TRPM1: variants seen among roughly 807,000 people sequenced by gnomAD.
TRPM1 encodes TRPM1-203 APA Isoform, Intron 10.
A neutral mutation model predicts 149.4 loss-of-function variants in TRPM1; 113 were observed. That is an observed-to-expected ratio of 0.76 (90% CI 0.65 to 0.88). TRPM1 has a LOEUF of 0.88. TRPM1 is among the 40% of genes least tolerant of loss of function. TRPM1 has a pLI of 0.00. For synonymous variants in TRPM1, 741 were observed against 759.5 expected, an observed-to-expected ratio of 0.98 and a Z score of 0.40; for missense variants, 1,976 against 2,038.7, an observed-to-expected ratio of 0.97 and a Z score of 0.59.
Position 31,032,741 on chromosome 15 carries a change from A to T in TRPM1, c.2900T>A (p.Ile967Asn). 6.2e-7 allele frequency: 1 copy of T among 1,614,196 alleles called. No homozygotes were observed. Among genetic ancestry groups the T allele is most frequent in the Non-Finnish European group, 8.5e-7 (1 of 1,180,034 alleles). ...CCCCAGATACTTGTTGACACCAAAG[A>T]TGTCCAGGACACGGATGTACCAGAA... ...IIFWYIRVLDIFGVNKYLGPY... is the reference protein window; with the variant it reads ...IIFWYIRVLDNFGVNKYLGPY... Residue 967 changes from isoleucine (I) to asparagine (N), a missense_variant, in exon 22 of 28, where the codon ATC becomes AAC. Ile to Asn is a moderately radical substitution (Grantham distance 149). Transcript: ENST00000256552.
At chr15:31,080,964 G>A (rs1230139835) in intron 2 of TRPM1, among the ~76,000 whole-genome samples, 1 of 152,122 alleles carries the variant, frequency 6.6e-6, no homozygotes, top group East Asian at 1.9e-4. Context: ...CGGCGGATGA[G>A]GGAGCAACAA....
At chr15:31,138,364 C>G (rs1596096868) in intron 1 of TRPM1, among the ~76,000 whole-genome samples, 1 of 151,996 alleles carries the variant, frequency 6.6e-6, no homozygotes, top group African/African-American at 2.4e-5. Context: ...TGAGTAGACA[C>G]CAGAGCCCCT....
In TRPM1 at chr15:31,136,645, G is replaced by C. The variant is rs557844028; in HGVS notation, c.54+24261C>G. Among the ~76,000 whole-genome samples, 4 of 152,042 alleles carry C rather than the reference G, an allele frequency of 2.6e-5. No individual in the cohort carries two copies. In the South Asian group the frequency reaches 8.3e-4, roughly 32 times the overall value. On this transcript the variant is annotated intron_variant, in intron 1 of 26. Transcript: ENST00000542188. ...TTCCCTCTGTTTTAATCCTTAACCC[G>C]AACGAAGTTCCATCTCCCTGTCCTT...
chr15:31,007,644 GCAGCGCAGCAA>G (rs1566985451), intron 27 of TRPM1, among the ~76,000 whole-genome samples: 2 of 55,260 alleles, frequency 3.6e-5, no homozygotes, highest in African/African-American at 1.1e-4. Flanking sequence ...TATAACAACA[GCAGCGCAGCAA>G]CAACAACAAC....
intron 9 of TRPM1, among the ~76,000 whole-genome samples, chr15:31,062,107 A>G (rs2034249620): frequency 6.6e-6 from 1 of 152,232 alleles, no homozygotes; most frequent in Non-Finnish European, 1.5e-5. Flanking sequence ...CTCAGTCGCC[A>G]TCGGAGATGC....
chr15:31,070,963 T>C (rs181546011), intron 3 of TRPM1, among the ~76,000 whole-genome samples: 77 of 152,368 alleles, frequency 5.1e-4, no homozygotes, highest in Admixed American at 4.4e-3. Context: ...CTTGGACAGA[T>C]GGCCCATTGG....
In TRPM1 at chr15:31,068,034, T is replaced by C. The variant is rs1193858049; in HGVS notation, c.338A>G (p.Asp113Gly). The change falls in exon 5 of 28, where the codon GAT becomes GGT. Residue 113 changes from aspartate to glycine, a missense_variant. Asp to Gly is a moderately conservative substitution (Grantham distance 94). Coordinates refer to ENST00000256552, the MANE Select transcript of TRPM1 (RefSeq NM_001252024.2). ...PDSLLHLMVK[D>G]WQLELPKLLI... is the part of the protein sequence containing the mutation. ...GAGCTTGGGGAGTTCCAGCTGCCAATCTTTCACCATGAGATGGAGCAGTGA... is the reference window on the plus strand; with the variant it reads ...GAGCTTGGGGAGTTCCAGCTGCCAACCTTTCACCATGAGATGGAGCAGTGA... The C allele has an allele frequency of 1.2e-6, 2 of 1,614,198 alleles. No homozygotes were observed. Among genetic ancestry groups the C allele is most frequent in the Middle Eastern group, 1.6e-4 (1 of 6,062 alleles).
chr15:31,128,756 G>A (rs2035982486), intron 1 of TRPM1, among the ~76,000 whole-genome samples: 2 of 152,244 alleles, frequency 1.3e-5, no homozygotes, highest in African/African-American at 4.8e-5. Context: ...GGCGACCTGT[G>A]CAGGCTCATG....
chr15:31,089,892 A>G (rs2035181264), intron 1 of TRPM1, among the ~76,000 whole-genome samples: 2 of 152,266 alleles, frequency 1.3e-5, no homozygotes, highest in African/African-American at 4.8e-5. Context: ...AACTGATGTC[A>G]CCTGGGGCAG....
chr15:31,146,280 G>A (rs745643040), intron 1 of TRPM1, among the ~76,000 whole-genome samples: 15 of 152,208 alleles, frequency 9.9e-5, no homozygotes, highest in Non-Finnish European at 1.9e-4. Flanking sequence ...CGCTGAGACT[G>A]GAAACACAGA....
chr15:31,138,903 A>C lies in TRPM1; in HGVS notation c.54+22003T>G, dbSNP rs2036124172. Among the ~76,000 whole-genome samples the C allele has an allele frequency of 2.0e-5, 3 of 152,104 alleles. No homozygotes were observed. The South Asian group carries it at 6.2e-4, about 32-fold the overall frequency. ...ATTAGGAACTTTTACAATGGGGAAT[A>C]AATTGGCTTGAAGTTTACATTTAAA... On this transcript the variant is annotated intron_variant, in intron 1 of 26. Coordinates refer to the TRPM1 transcript ENST00000542188.
At chr15:31,117,737 G>A (rs11070820) in intron 1 of TRPM1, among the ~76,000 whole-genome samples, 61,501 of 150,588 alleles carry the variant, frequency 0.41, 13,182 homozygotes, top group East Asian at 0.73. Flanking sequence ...GCATGCAAGA[G>A]CAGCTGTGTA....
At chr15:31,158,183 CTTAACTCCTACAAGTTTTTGTAG>C (rs2036401380) in intron 1 of TRPM1, among the ~76,000 whole-genome samples, 1 of 152,126 alleles carries the variant, frequency 6.6e-6, no homozygotes, top group African/African-American at 2.4e-5. Context: ...CATCAAGGTT[CTTAACTCCTACAAGTTTTTGTAG>C]GAGTTTGGCA....
At chr15:31,113,414 C>T (rs1220219866) in intron 1 of TRPM1, among the ~76,000 whole-genome samples, 3 of 141,168 alleles carry the variant, frequency 2.1e-5, no homozygotes, top group African/African-American at 5.2e-5. Flanking sequence ...ATACAGAATT[C>T]AATACCCAGC....
In TRPM1 at chr15:31,026,380, T is replaced by G; in HGVS notation, c.3497-109A>C. The G allele has an allele frequency of 2.2e-6, 3 of 1,362,676 alleles. No individual in the cohort carries two copies. In the Admixed American group the frequency reaches 5.7e-5, roughly 26 times the overall value. The allele number at this position is 1,362,676 out of a possible 1,614,324, so 84.4% of individuals were successfully genotyped here. A position where few individuals can be genotyped will look rare whatever the true frequency, so the allele number is the denominator to read the frequency against. On this transcript the variant is annotated intron_variant, in intron 26 of 27. Coordinates refer to ENST00000256552, the MANE Select transcript of TRPM1 (RefSeq NM_001252024.2). ...TTAATTAAGCTCTCTTCTCCGCCAC[T>G]CCTAAGGCAGTTCGCCACTACTCCA...
chr15:31,089,844 G>A (rs935826142), intron 1 of TRPM1, among the ~76,000 whole-genome samples: 1 of 152,330 alleles, frequency 6.6e-6, no homozygotes, highest in South Asian at 2.1e-4. Flanking sequence ...GCCTGCCCTT[G>A]TGAGTAAGGG....
In TRPM1 at chr15:31,155,879, T is replaced by A. The variant is rs564069699; in HGVS notation, c.54+5027A>T. Among the ~76,000 whole-genome samples, 11 of 152,206 alleles carry A rather than the reference T, an allele frequency of 7.2e-5. 1 individual carries two copies. Among genetic ancestry groups the A allele is most frequent in the African/African-American group, 2.6e-4 (11 of 41,518 alleles). Reference sequence around the variant, plus strand: ...TGTGACTTACTTTCCAACCTGACTATGGCATAACATCACATGACAGATAAA... The same window carrying A: ...TGTGACTTACTTTCCAACCTGACTAAGGCATAACATCACATGACAGATAAA... On this transcript the variant is annotated intron_variant, in intron 1 of 26. Coordinates refer to the TRPM1 transcript ENST00000542188.
intron 18 of TRPM1, among the ~76,000 whole-genome samples, chr15:31,038,697 G>A (rs922948566): frequency 1.3e-5 from 2 of 152,084 alleles, no homozygotes; most frequent in African/African-American, 4.8e-5. Flanking sequence ...GGGTGACAGA[G>A]CAAGACCCTG....
chr15:31,113,473 T>G (rs1311868110), intron 1 of TRPM1, among the ~76,000 whole-genome samples: 2 of 151,336 alleles, frequency 1.3e-5, no homozygotes, highest in Non-Finnish European at 2.9e-5. Flanking sequence ...GAGATAAAAA[T>G]GGGTCAAACA....
Sources: allele counts gnomAD v4.1 joint callset (sites outside exome capture counted in the v4.1 genomes callset), GRCh38; gene constraint gnomAD v4.1.1; transcripts MANE v1.5; gene names NCBI Gene and HGNC (gene_info 2026-07-23, HGNC 2026-07-21).